The following PKHD1 variants were observed in gnomAD, a reference collection of about 807,000 sequenced individuals.
The protein encoded by PKHD1 is PKHD1 ciliary IPT domain containing fibrocystin/polyductin.
In PKHD1, 291 loss-of-function variants were observed where a neutral mutation model predicts 412.0. The ratio of observed to expected loss-of-function variants is 0.71; its 90% CI spans 0.64 to 0.78. PKHD1 has a LOEUF of 0.78. Among genes scored for constraint, PKHD1 ranks in the 30% least tolerant of loss-of-function variants. The pLI is 0.00. For synonymous variants in PKHD1, 1,777 were observed against 1,821.5 expected (o/e 0.98, Z 0.62); for missense variants, 4,825 against 4,950.7 (o/e 0.97, Z 0.76).
chr6:51,692,292 A>ACACACAC (rs1388963526), intron 60 of PKHD1, among the ~76,000 whole-genome samples: 1 of 69,184 alleles, frequency 1.4e-5, no homozygotes, highest in Non-Finnish European at 3.8e-5. Flanking sequence ...CACACACACC[A>ACACACAC]CTGAGTTCTG....
At chr6:51,925,581 A>G (rs1159788448) in intron 37 of PKHD1, among the ~76,000 whole-genome samples, 1 of 152,168 alleles carries the variant, frequency 6.6e-6, no homozygotes, top group Non-Finnish European at 1.5e-5. Context: ...GAAGGCCTGA[A>G]TAGAACAAAA....
At position 52,062,542 on chromosome 6, in the gene PKHD1, C is replaced by T. The variant is rs1554219429; in HGVS notation, c.1095G>A (p.Trp365Ter). Residue 365 changes from tryptophan (W) to a stop codon, truncating the protein, a stop_gained, in exon 14 of 67, where the codon TGG (tryptophan) becomes TGA (stop). Coordinates refer to ENST00000371117, the MANE Select transcript of PKHD1 (RefSeq NM_138694.4). LOFTEE classifies it high-confidence loss of function. ...ACCTGAAAGGTTGTCCTTCCTGTGA[C>T]CAAAACCCAAATGGAGAACTGGCAT... ...VPNASSPFGFWSQEGQPFRAR... is the reference protein window; with the variant it reads ...VPNASSPFGF 1 of 1,614,120 alleles carries T rather than the reference C, an allele frequency of 6.2e-7. No individual in the cohort carries two copies. Among genetic ancestry groups the T allele is most frequent in the African/African-American group, 1.3e-5 (1 of 75,046 alleles).
intron 52 of PKHD1, among the ~76,000 whole-genome samples, chr6:51,812,455 A>G (rs568731186): frequency 6.6e-6 from 1 of 152,280 alleles, no homozygotes; most frequent in East Asian, 1.9e-4. Flanking sequence ...CATCAGACAT[A>G]CCTCATTATA....
chr6:52,085,772 T>C (rs1040844334), intron 1 of PKHD1, among the ~76,000 whole-genome samples: 3 of 152,058 alleles, frequency 2.0e-5, no homozygotes, highest in African/African-American at 7.2e-5. Context: ...CAGCGCTCAG[T>C]ACATTGGAGT....
Position 51,682,696 on chromosome 6 carries a change from A to G in PKHD1, c.10157-22727T>C, listed in dbSNP as rs146693688. Among the ~76,000 whole-genome samples, 15 of 152,156 alleles carry G rather than the reference A, an allele frequency of 9.9e-5. No homozygotes were observed. The East Asian group carries it at 2.9e-3, about 29-fold the overall frequency. On this transcript the variant is annotated intron_variant, in intron 60 of 66. Transcript: ENST00000371117. Reference sequence around the variant, plus strand: ...TGGAGGCAGAAAGTGATGGAGACCAAAATGAGAGTATAATGTTCCTTGTGT... The same window carrying G: ...TGGAGGCAGAAAGTGATGGAGACCAGAATGAGAGTATAATGTTCCTTGTGT...
intron 46 of PKHD1, among the ~76,000 whole-genome samples, chr6:51,882,089 T>A (rs1002210043): frequency 4.6e-5 from 7 of 152,234 alleles, no homozygotes; most frequent in Non-Finnish European, 7.3e-5. Context: ...CTCAGTTTGC[T>A]GGGAATTTTG....
At chr6:51,831,064 C>A in intron 51 of PKHD1, 75 bp from the exon 52 acceptor site, 1 of 1,133,524 alleles carries the variant, frequency 8.8e-7, no homozygotes, top group Non-Finnish European at 1.3e-6. Flanking sequence ...TTTTAGGATG[C>A]TAGTGGTATT....
At chr6:51,788,435 T>C (rs1225731152) in intron 53 of PKHD1, among the ~76,000 whole-genome samples, 1 of 151,338 alleles carries the variant, frequency 6.6e-6, no homozygotes, top group Non-Finnish European at 1.5e-5. Flanking sequence ...TCCTTTATTC[T>C]GACTTCTCCT....
At chr6:51,765,843 G>T (rs1788901211) in intron 55 of PKHD1, among the ~76,000 whole-genome samples, 1 of 152,052 alleles carries the variant, frequency 6.6e-6, no homozygotes, top group African/African-American at 2.4e-5. Context: ...ATATTCCTCA[G>T]ATATTTGCTT....
At chr6:51,845,966 T>G (rs571827254) in intron 50 of PKHD1, among the ~76,000 whole-genome samples, 69 of 152,324 alleles carry the variant, frequency 4.5e-4, no homozygotes, top group Admixed American at 1.5e-3. Flanking sequence ...CAATTCAGAT[T>G]AAAATTTTGT....
chr6:51,823,090 T>C (rs1360336574), intron 52 of PKHD1, among the ~76,000 whole-genome samples: 1 of 116,772 alleles, frequency 8.6e-6, no homozygotes, highest in African/African-American at 3.4e-5. Flanking sequence ...GTTGCTATAG[T>C]AGCAAAAAAA....
At chr6:52,050,590 C>T (rs1448855277) in intron 21 of PKHD1, among the ~76,000 whole-genome samples, 1 of 152,232 alleles carries the variant, frequency 6.6e-6, no homozygotes, top group African/African-American at 2.4e-5. Context: ...CTTGGAGGCA[C>T]TCCTACACAG....
intron 52 of PKHD1, among the ~76,000 whole-genome samples, chr6:51,798,067 G>A (rs530470725): frequency 1.3e-5 from 2 of 152,248 alleles, no homozygotes; most frequent in South Asian, 4.1e-4. Flanking sequence ...ATGAAGCTTA[G>A]TTTGTCCAGA....
At chr6:51,967,680 G>A (rs1161801129) in intron 35 of PKHD1, among the ~76,000 whole-genome samples, 1 of 148,714 alleles carries the variant, frequency 6.7e-6, no homozygotes, top group African/African-American at 2.5e-5. Flanking sequence ...GTGTGTGTAT[G>A]CCACTCACGC....
chr6:52,063,382 C>G (rs1808973963), intron 13 of PKHD1, among the ~76,000 whole-genome samples: 1 of 151,814 alleles, frequency 6.6e-6, no homozygotes, highest in South Asian at 2.1e-4. Flanking sequence ...CAAAATGGGA[C>G]CAATAATAAA....
At chr6:51,723,467 A>C (rs911739276) in intron 60 of PKHD1, among the ~76,000 whole-genome samples, 1 of 152,228 alleles carries the variant, frequency 6.6e-6, no homozygotes. Context: ...TGTCACACAG[A>C]TCAATGTCAG....
chr6:51,902,063 A>T (rs1351005423), intron 43 of PKHD1, among the ~76,000 whole-genome samples: 1 of 152,170 alleles, frequency 6.6e-6, no homozygotes, highest in East Asian at 1.9e-4. Context: ...AGCAGACCAC[A>T]TACTACCCAG....
At chr6:51,816,353 G>A (rs1270967214) in intron 52 of PKHD1, among the ~76,000 whole-genome samples, 1 of 152,158 alleles carries the variant, frequency 6.6e-6, no homozygotes, top group Non-Finnish European at 1.5e-5. Context: ...TCTGTGCTCT[G>A]TGCAATTGCA....
At chr6:51,896,798 C>T (rs879685644) in intron 43 of PKHD1, among the ~76,000 whole-genome samples, 3 of 150,234 alleles carry the variant, frequency 2.0e-5, no homozygotes, top group Non-Finnish European at 4.5e-5. Context: ...ACTAGAATAA[C>T]CAATACAGAG....
Sources: allele counts gnomAD v4.1 joint callset (sites outside exome capture counted in the v4.1 genomes callset), GRCh38; gene constraint gnomAD v4.1.1; transcripts MANE v1.5; gene names NCBI Gene and HGNC (gene_info 2026-07-23, HGNC 2026-07-21).